RPS6KA5: variants seen among roughly 807,000 people sequenced by gnomAD.
RPS6KA5 encodes the protein ribosomal protein S6 kinase A5.
RPS6KA5 carries 27 observed loss-of-function variants against 85.5 expected under a neutral mutation model. That is an observed-to-expected ratio of 0.32 (90% confidence interval 0.23 to 0.44). The LOEUF (loss-of-function observed/expected upper bound fraction) is 0.44. RPS6KA5 is among the 20% of genes least tolerant of loss of function. RPS6KA5 has a pLI of 1.00. For synonymous variants in RPS6KA5, 334 were observed against 348.2 expected (o/e 0.96, Z 0.46); for missense variants, 811 against 980.9 (o/e 0.83, Z 2.31).
At chr14:90,967,793 T>C (rs1269059883) in intron 3 of RPS6KA5, among the ~76,000 whole-genome samples, 1 of 152,192 alleles carries the variant, frequency 6.6e-6, no homozygotes. Flanking sequence ...AGCATAAAAA[T>C]AACACAGAAA....
chr14:91,026,830 T>C (rs1359185937), intron 1 of RPS6KA5, among the ~76,000 whole-genome samples: 4 of 152,236 alleles, frequency 2.6e-5, no homozygotes, highest in Non-Finnish European at 5.9e-5. Context: ...TTCTGACTGG[T>C]GTGAGATGGC....
intron 5 of RPS6KA5, among the ~76,000 whole-genome samples, chr14:90,941,315 C>G (rs1339463630): frequency 1.3e-5 from 2 of 152,108 alleles, no homozygotes; most frequent in African/African-American, 4.8e-5. Context: ...TTTGGCTGGG[C>G]CAGTTCAGTG....
chr14:90,991,746 G>A (rs1227997579), intron 2 of RPS6KA5, among the ~76,000 whole-genome samples: 3 of 138,988 alleles, frequency 2.2e-5, no homozygotes, highest in African/African-American at 8.7e-5. Flanking sequence ...GGTCAAAATA[G>A]ATAGAGAAGA....
At chr14:90,937,650 T>G (rs2037339003) in intron 5 of RPS6KA5, among the ~76,000 whole-genome samples, 1 of 152,142 alleles carries the variant, frequency 6.6e-6, no homozygotes, top group Non-Finnish European at 1.5e-5. Flanking sequence ...TGGGGAGGTC[T>G]TGCAATCATG....
At chr14:91,047,339 C>T (rs1487566534) in intron 1 of RPS6KA5, among the ~76,000 whole-genome samples, 1 of 152,154 alleles carries the variant, frequency 6.6e-6, no homozygotes, top group East Asian at 1.9e-4. Context: ...TTTCTAACCA[C>T]CAACTTGGTA....
rs2033063846 is a variant in RPS6KA5, at chr14:90,870,866, A to C, written c.*1208T>G. ...ATTAATTGTATTTTTAAATGCAGCA[A>C]TCTTTTAATGAAATGTTTTCATCAC... On this transcript the variant is annotated 3_prime_UTR_variant, in exon 17 of 17. Coordinates refer to ENST00000614987, the MANE Select transcript of RPS6KA5 (RefSeq NM_004755.4). 1.4e-5 allele frequency: 2 copies of C among 146,950 alleles called. No individual in the cohort carries two copies. Among genetic ancestry groups the C allele is most frequent in the Non-Finnish European group, 3.0e-5 (2 of 67,310 alleles). The allele number at this position is 146,950 out of a possible 1,614,324, so 9.1% of individuals were successfully genotyped here. A position where few individuals can be genotyped will look rare whatever the true frequency, so the allele number is the denominator to read the frequency against.
intron 1 of RPS6KA5, among the ~76,000 whole-genome samples, chr14:91,059,156 G>GCCCCCCCCC (rs369103491): frequency 7.6e-6 from 1 of 132,150 alleles, no homozygotes; most frequent in African/African-American, 2.8e-5. Flanking sequence ...GGAGAGGACC[G>GCCCCCCCCC]CCCCCCCCAC....
Position 91,060,576 on chromosome 14 carries a change from T to C in RPS6KA5, c.-142A>G. The C allele has an allele frequency of 9.0e-7, 1 of 1,108,870 alleles. No individual in the cohort carries two copies. The highest frequency in any genetic ancestry group is 1.1e-6 in the Non-Finnish European group (1 of 873,050). The allele number at this position is 1,108,870 out of a possible 1,614,324, so 68.7% of individuals were successfully genotyped here. A position where few individuals can be genotyped will look rare whatever the true frequency, so the allele number is the denominator to read the frequency against. On this transcript the variant is annotated 5_prime_UTR_variant, in exon 1 of 17. Coordinates refer to ENST00000614987, the MANE Select transcript of RPS6KA5 (RefSeq NM_004755.4). The stretch of plus-strand genomic sequence containing the variant: ...AACTCGGACGCAAAGACGAGTCTCT[T>C]TCCCGCTCTGGCCGCACGGCTCGCT...
chr14:90,899,473 T>G (rs762798943), intron 11 of RPS6KA5, 51 bp from the exon 12 acceptor site: 2 of 1,227,120 alleles, frequency 1.6e-6, no homozygotes, highest in African/African-American at 1.5e-5. Context: ...AAAGTTTTTA[T>G]ATCAGTACTG....
intron 1 of RPS6KA5, among the ~76,000 whole-genome samples, chr14:91,033,048 G>C (rs1031278113): frequency 6.6e-6 from 1 of 151,902 alleles, no homozygotes; most frequent in Non-Finnish European, 1.5e-5. Context: ...TTAGCTGGAC[G>C]TGGTGGTGGG....
In RPS6KA5 at chr14:90,920,329, T is replaced by A. The variant is rs761987352; in HGVS notation, c.703-20A>T. The stretch of plus-strand genomic sequence containing the variant: ...AACTGCCTATAAAACAACAATAATT[T>A]CATTTTATAGAATTATCAACTAAAA... On this transcript the variant is annotated intron_variant, in intron 6 of 16. Transcript: ENST00000614987. 3.5e-6 allele frequency: 5 copies of A among 1,432,560 alleles called. 1 individual carries two copies. In the African/African-American group the frequency reaches 7.1e-5, roughly 20 times the overall value. 88.7% of individuals were successfully genotyped at this position (1,432,560 alleles called of 1,614,324 possible). A position where few individuals can be genotyped will look rare whatever the true frequency, so the allele number is the denominator to read the frequency against.
chr14:90,894,156 A>AT (rs34712536), intron 13 of RPS6KA5: 1 of 1,109,616 alleles, frequency 9.0e-7, no homozygotes, highest in Non-Finnish European at 1.1e-6. Flanking sequence ...TGCATAAAGT[A>AT]TTTTTTCCAT....
Position 90,900,198 on chromosome 14 carries a change from T to A in RPS6KA5, c.1289A>T (p.Lys430Ile). Residue 430 changes from lysine to isoleucine, a missense_variant, in exon 11 of 17, where the codon AAA becomes ATA. Lys to Ile is a moderately radical substitution (Grantham distance 102). Around this residue, in one of 3 missense-constraint regions of RPS6KA5, gnomAD observed 650 missense variants for 793.4 expected, o/e 0.82. Transcript: ENST00000614987. ...TGAAAAACTACCTTCTCCCAGGGGT[T>A]TGTCCTTCAAATCTAGGTCATAGTG... Reference protein sequence around the residue: ...YQHYDLDLKDKPLGEGSFSIC... With the variant: ...YQHYDLDLKDIPLGEGSFSIC... 1 of 1,604,870 alleles carries A rather than the reference T, an allele frequency of 6.2e-7. No individual in the cohort carries two copies. The highest frequency in any genetic ancestry group is 8.5e-7 in the Non-Finnish European group (1 of 1,174,840).
rs748183093 is a variant in RPS6KA5, at chr14:90,890,615, G to A, written c.1708C>T (p.Arg570Trp). The A allele has an allele frequency of 1.1e-5, 17 of 1,613,954 alleles. No individual in the cohort carries two copies. Among genetic ancestry groups the A allele is most frequent in the Middle Eastern group, 1.6e-4 (1 of 6,082 alleles). The stretch of plus-strand genomic sequence containing the variant: ...GGCTGATTATCCGGTGGCTTTAGCC[G>A]TGCAAATCCAAAATCAATTATTTTA... ...EIKIIDFGFA[R>W]LKPPDNQPLK... is the part of the protein sequence containing the mutation. The change falls in exon 14 of 17, where the codon CGG becomes TGG. Residue 570 changes from arginine (R) to tryptophan (W), a missense_variant. Around this residue, in one of 3 missense-constraint regions of RPS6KA5, gnomAD observed 650 missense variants for 793.4 expected, o/e 0.82. Coordinates refer to ENST00000614987, the MANE Select transcript of RPS6KA5 (RefSeq NM_004755.4).
chr14:91,049,216 C>T (rs1247763391), intron 1 of RPS6KA5, among the ~76,000 whole-genome samples: 1 of 152,220 alleles, frequency 6.6e-6, no homozygotes, highest in Non-Finnish European at 1.5e-5. Context: ...AATTAGAGTA[C>T]TGTTAATAAT....
intron 1 of RPS6KA5, among the ~76,000 whole-genome samples, chr14:91,046,000 C>CCA (rs2042858201): frequency 6.6e-6 from 1 of 152,118 alleles, no homozygotes; most frequent in African/African-American, 2.4e-5. Context: ...TTTGTTTCCC[C>CCA]GCTCTTCACC....
intron 2 of RPS6KA5, among the ~76,000 whole-genome samples, chr14:90,989,756 T>C (rs1162697284): frequency 6.6e-6 from 1 of 152,120 alleles, no homozygotes; most frequent in African/African-American, 2.4e-5. Context: ...GCCAAAGATA[T>C]TTCCTGGGCT....
At chr14:90,889,514 G>C (rs2034435178) in intron 14 of RPS6KA5, among the ~76,000 whole-genome samples, 1 of 152,166 alleles carries the variant, frequency 6.6e-6, no homozygotes, top group Non-Finnish European at 1.5e-5. Flanking sequence ...AGGCACACAT[G>C]TTAAAGGAAA....
chr14:91,055,993 C>A (rs148238773), intron 1 of RPS6KA5, among the ~76,000 whole-genome samples: 1 of 152,312 alleles, frequency 6.6e-6, no homozygotes, highest in East Asian at 1.9e-4. Context: ...TCCTGGCCAA[C>A]ACCTTGACTT....
Sources: allele counts gnomAD v4.1 joint callset (sites outside exome capture counted in the v4.1 genomes callset), GRCh38; gene constraint gnomAD v4.1.1; regional missense constraint gnomAD v4.1.1; transcripts MANE v1.5; gene names NCBI Gene and HGNC (gene_info 2026-07-23, HGNC 2026-07-21).